The following FER variants were observed in gnomAD, a reference collection of about 807,000 sequenced individuals.
FER encodes the protein FER tyrosine kinase.
A neutral mutation model predicts 111.0 loss-of-function variants in FER; 63 were observed. That is an observed-to-expected ratio of 0.57 (90% CI 0.46 to 0.70). The LOEUF (loss-of-function observed/expected upper bound fraction) is 0.70. Ranked by LOEUF, FER falls within the 30% of genes least tolerant of loss-of-function variation. The pLI, the probability that FER is intolerant of heterozygous loss-of-function variation, is 0.00. For missense variants in FER, 914 were observed against 954.0 expected, an observed-to-expected ratio of 0.96 and a Z score of 0.55; for synonymous variants, 327 against 313.9, an observed-to-expected ratio of 1.04 and a Z score of -0.44.
At chr5:109,137,407 C>T (rs75054166) in intron 17 of FER, among the ~76,000 whole-genome samples, 15,949 of 152,222 alleles carry the variant, frequency 0.1, 852 homozygotes, top group Non-Finnish European at 0.12. Context: ...CCAGCTTTCC[C>T]GACAGGCCTG....
At chr5:108,958,049 A>T (rs1240328680) in intron 12 of FER, among the ~76,000 whole-genome samples, 1 of 151,704 alleles carries the variant, frequency 6.6e-6, no homozygotes, top group Admixed American at 6.6e-5. Context: ...TGATTCAAAC[A>T]CTAACTGCCC....
At chr5:108,996,595 C>A (rs1420378543) in intron 13 of FER, among the ~76,000 whole-genome samples, 3 of 152,048 alleles carry the variant, frequency 2.0e-5, no homozygotes, top group South Asian at 2.1e-4. Flanking sequence ...ATTTCTGAGG[C>A]CTCTATTCTG....
At position 109,146,150 on chromosome 5, in the gene FER, G is replaced by C. The variant is rs999928455; in HGVS notation, c.2049-34597G>C. Reference sequence around the variant, plus strand: ...TCTGAATTTAAACAACAGAGAGGGGGACTGATAGAATTACAGAATTTTGCA... The same window carrying C: ...TCTGAATTTAAACAACAGAGAGGGGCACTGATAGAATTACAGAATTTTGCA... On this transcript the variant is annotated intron_variant, in intron 17 of 19. Transcript: ENST00000281092. Among the ~76,000 whole-genome samples the C allele has an allele frequency of 1.2e-4, 14 of 120,052 alleles. No homozygotes were observed. In the East Asian group the frequency reaches 2.8e-3, roughly 24 times the overall value. 78.8% of individuals were successfully genotyped at this position (120,052 alleles called of 152,430 possible).
In FER at chr5:108,883,447, C is replaced by T; in HGVS notation, c.975C>T (p.Asn325=). The stretch of plus-strand genomic sequence containing the variant: ...TGCAAACACAGCAGATGCTTTTAAA[C>T]AAGGAGGAGGCTGTTTTGGAGTTAG... ...ELMQTQQMLL[N]KEEAVLELEK... Residue 325 remains asparagine, a synonymous_variant, in exon 9 of 20, where the codon AAC becomes AAT. Transcript: ENST00000281092. The T allele has an allele frequency of 1.9e-6, 3 of 1,608,616 alleles. No homozygotes were observed. Among genetic ancestry groups the T allele is most frequent in the Non-Finnish European group, 2.5e-6 (3 of 1,176,542 alleles).
intron 17 of FER, among the ~76,000 whole-genome samples, chr5:109,130,572 C>T (rs1752251676): frequency 6.6e-6 from 1 of 151,598 alleles, no homozygotes; most frequent in African/African-American, 2.4e-5. Context: ...AATACAGATA[C>T]ATGAAAAATT....
Position 109,059,166 on chromosome 5 carries a change from C to T in FER, c.1924+11968C>T, listed in dbSNP as rs569797591. 1.6e-4 allele frequency among the ~76,000 whole-genome samples: 24 copies of T among 152,212 alleles called. No homozygotes were observed. In the East Asian group the frequency reaches 4.4e-3, roughly 28 times the overall value. ...TTGTTCTCATCAAAGAGCAGATGTA[C>T]ATCTCAGAATTTGTAAAGATAAATC... On this transcript the variant is annotated intron_variant, in intron 16 of 19. Transcript: ENST00000281092.
intron 10 of FER, among the ~76,000 whole-genome samples, chr5:108,939,980 A>G (rs1399077270): frequency 2.0e-5 from 3 of 152,228 alleles, no homozygotes; most frequent in South Asian, 2.1e-4. Flanking sequence ...TGTACTTAGT[A>G]ATCTTTATTG....
rs758055737 is a variant in FER, at chr5:108,798,193, G to C, written c.11G>C (p.Gly4Ala). Residue 4 changes from glycine to alanine, a missense_variant, in exon 3 of 20, where the codon GGG becomes GCG. Gly to Ala is a moderately conservative substitution (Grantham distance 60). Coordinates refer to ENST00000281092, the MANE Select transcript of FER (RefSeq NM_005246.4). Reference sequence around the variant, plus strand: ...CCAGTGCCTTACAAAATGGGGTTTGGGAGTGACCTGAAGAATTCACATGAA... The same window carrying C: ...CCAGTGCCTTACAAAATGGGGTTTGCGAGTGACCTGAAGAATTCACATGAA... Reference protein sequence around the residue: MGFGSDLKNSHEAV... With the variant: MGFASDLKNSHEAV... 41 of 1,613,842 alleles carry C rather than the reference G, an allele frequency of 2.5e-5. No individual in the cohort carries two copies. The highest frequency in any genetic ancestry group is 3.2e-5 in the Non-Finnish European group (38 of 1,179,966).
intron 5 of FER, among the ~76,000 whole-genome samples, chr5:108,847,625 T>C (rs1003180645): frequency 6.6e-6 from 1 of 152,138 alleles, no homozygotes; most frequent in African/African-American, 2.4e-5. Context: ...CCAACCATAA[T>C]TGTGGATTTG....
chr5:108,893,017 A>C (rs1014159393), intron 9 of FER, among the ~76,000 whole-genome samples: 2 of 152,058 alleles, frequency 1.3e-5, no homozygotes, highest in Non-Finnish European at 2.9e-5. Context: ...GTTCTGTTCC[A>C]TTGGTCTACA....
rs181990637 is a variant in FER, at chr5:108,850,590, A to G, written c.481+14783A>G. Among the ~76,000 whole-genome samples, 32 of 152,200 alleles carry G rather than the reference A, an allele frequency of 2.1e-4. No homozygotes were observed. In the East Asian group the frequency reaches 6.2e-3, roughly 29 times the overall value. On this transcript the variant is annotated intron_variant, in intron 5 of 19. Transcript: ENST00000281092. Reference sequence around the variant, plus strand: ...TGTGTTATCTCTTTTTTTAAGTTGGAATACTATTTGTTTTTCTATTAGAAA... The same window carrying G: ...TGTGTTATCTCTTTTTTTAAGTTGGGATACTATTTGTTTTTCTATTAGAAA...
intron 6 of FER, 62 bp downstream of exon 6, chr5:108,868,012 C>G: frequency 5.3e-6 from 8 of 1,498,996 alleles, no homozygotes; most frequent in African/African-American, 1.4e-5. Flanking sequence ...CATATTTTCT[C>G]TCTAGTTTAG....
intron 17 of FER, among the ~76,000 whole-genome samples, chr5:109,160,289 G>A (rs1052372821): frequency 2.0e-5 from 3 of 152,016 alleles, no homozygotes; most frequent in Non-Finnish European, 4.4e-5. Context: ...CAAACGACAG[G>A]GATGAAAAGA....
intron 5 of FER, among the ~76,000 whole-genome samples, chr5:108,863,103 A>G (rs754907372): frequency 3.5e-4 from 53 of 152,242 alleles, no homozygotes; most frequent in Non-Finnish European, 6.8e-4. Flanking sequence ...CTGGCCATAG[A>G]TATGTCAGTT....
At chr5:109,180,595 A>G (rs1758190231) in intron 17 of FER, 152 bp from the exon 18 acceptor site, 2 of 802,276 alleles carry the variant, frequency 2.5e-6, no homozygotes, top group South Asian at 2.2e-5. Flanking sequence ...TTTACCTATG[A>G]CAGAAAAGAT....
chr5:109,010,672 A>T (rs943336693), intron 13 of FER, among the ~76,000 whole-genome samples: 1 of 151,984 alleles, frequency 6.6e-6, no homozygotes, highest in South Asian at 2.1e-4. Flanking sequence ...GGTCCATGGC[A>T]TTATCTGTAG....
intron 10 of FER, among the ~76,000 whole-genome samples, chr5:108,916,950 A>G (rs1460522677): frequency 6.6e-6 from 1 of 152,180 alleles, no homozygotes; most frequent in Admixed American, 6.5e-5. Flanking sequence ...TTAATTGAAC[A>G]TAGGATTCTA....
chr5:108,963,892 A>T (rs550940226), intron 13 of FER, among the ~76,000 whole-genome samples: 17 of 152,184 alleles, frequency 1.1e-4, no homozygotes, highest in Non-Finnish European at 2.1e-4. Context: ...TTTATCTTAC[A>T]TCTGATATAG....
chr5:109,001,028 A>G (rs1764697691), intron 13 of FER, among the ~76,000 whole-genome samples: 1 of 152,150 alleles, frequency 6.6e-6, no homozygotes, highest in African/African-American at 2.4e-5. Flanking sequence ...TACCAACCAA[A>G]AAGAGTCCAG....
Sources: gnomAD v4.1 joint callset for allele counts (sites outside exome capture counted in the v4.1 genomes callset) on GRCh38, gnomAD v4.1.1 for gene constraint, MANE v1.5 for transcripts, NCBI Gene and HGNC (gene_info 2026-07-23, HGNC 2026-07-21) for gene names.